The following LRMDA variants were observed in gnomAD, a reference collection of about 807,000 sequenced individuals.
The protein encoded by LRMDA is leucine rich melanocyte differentiation associated.
LRMDA carries 18 observed loss-of-function variants against 29.8 expected under a neutral mutation model. That is an observed-to-expected ratio of 0.60 (90% CI 0.42 to 0.90). LRMDA has a LOEUF of 0.90. Ranked by LOEUF, LRMDA falls within the 40% of genes least tolerant of loss-of-function variation. LRMDA has a pLI of 0.00. For synonymous variants in LRMDA, 125 were observed against 109.4 expected (o/e 1.14, Z -0.89); for missense variants, 273 against 273.9 (o/e 1.00, Z 0.02).
chr10:76,095,073 T>C (rs1849292668), intron 5 of LRMDA, among the ~76,000 whole-genome samples: 1 of 152,192 alleles, frequency 6.6e-6, no homozygotes, highest in Admixed American at 6.5e-5. Context: ...ATAATTATCA[T>C]AACAATCAAG....
At chr10:75,764,961 G>A (rs1231402891) in intron 2 of LRMDA, among the ~76,000 whole-genome samples, 1 of 151,788 alleles carries the variant, frequency 6.6e-6, no homozygotes, top group African/African-American at 2.4e-5. Flanking sequence ...GTGTGTGTGT[G>A]TGTGTGTTCA....
intron 2 of LRMDA, among the ~76,000 whole-genome samples, chr10:75,648,745 C>T (rs1841561054): frequency 1.3e-5 from 2 of 152,112 alleles, no homozygotes; most frequent in Admixed American, 1.3e-4. Context: ...AGAGTATTTG[C>T]TCTGGGGAAG....
chr10:76,365,444 G>T lies in LRMDA; in HGVS notation c.601+40959G>T, dbSNP rs142742840. Among the ~76,000 whole-genome samples, 150 of 152,060 alleles carry T rather than the reference G, an allele frequency of 9.9e-4. 1 individual carries two copies. Among genetic ancestry groups the T allele is most frequent in the African/African-American group, 3.5e-3 (146 of 41,456 alleles). On this transcript the variant is annotated intron_variant, in intron 6 of 6. Transcript: ENST00000611255. Reference sequence around the variant, plus strand: ...TGATTTTTTTATTATGGCCATTCTTGCAAAAGTAAGGTGGTATTGCATTGT... The same window carrying T: ...TGATTTTTTTATTATGGCCATTCTTTCAAAAGTAAGGTGGTATTGCATTGT...
intron 2 of LRMDA, among the ~76,000 whole-genome samples, chr10:75,747,463 A>G (rs1842903196): frequency 6.6e-6 from 1 of 152,228 alleles, no homozygotes; most frequent in Non-Finnish European, 1.5e-5. Flanking sequence ...AATTTATGAA[A>G]TACGATAGGG....
intron 6 of LRMDA, among the ~76,000 whole-genome samples, chr10:76,480,901 G>A (rs1242326751): frequency 1.3e-5 from 2 of 151,882 alleles, no homozygotes; most frequent in East Asian, 3.9e-4. Flanking sequence ...TATGTATTGA[G>A]AAACAGTAAG....
intron 5 of LRMDA, among the ~76,000 whole-genome samples, chr10:76,176,415 G>A (rs757462983): frequency 3.9e-5 from 6 of 152,236 alleles, no homozygotes; most frequent in Non-Finnish European, 8.8e-5. Flanking sequence ...TGTAGAGGCT[G>A]GCGCTGCTTG....
chr10:76,063,494 T>G (rs1348021960), intron 5 of LRMDA, among the ~76,000 whole-genome samples: 1 of 152,166 alleles, frequency 6.6e-6, no homozygotes, highest in Non-Finnish European at 1.5e-5. Context: ...TGTGTATTTG[T>G]GTAGTTTGTT....
chr10:76,312,945 C>T (rs1840647594), intron 5 of LRMDA, among the ~76,000 whole-genome samples: 1 of 151,996 alleles, frequency 6.6e-6, no homozygotes, highest in South Asian at 2.1e-4. Flanking sequence ...AGATATTAAA[C>T]AAAATTAGAG....
intron 6 of LRMDA, among the ~76,000 whole-genome samples, chr10:76,403,844 G>A (rs1841874807): frequency 6.6e-6 from 1 of 152,094 alleles, no homozygotes; most frequent in African/African-American, 2.4e-5. Flanking sequence ...AATCCACTGG[G>A]TTGTGAAGAG....
intron 5 of LRMDA, among the ~76,000 whole-genome samples, chr10:76,116,071 C>T (rs1849663462): frequency 6.6e-6 from 1 of 152,122 alleles, no homozygotes; most frequent in South Asian, 2.1e-4. Flanking sequence ...TGGGATGGGG[C>T]CACTGCAGGC....
intron 6 of LRMDA, among the ~76,000 whole-genome samples, chr10:76,397,433 G>C (rs1183676650): frequency 6.6e-6 from 1 of 152,158 alleles, no homozygotes; most frequent in Admixed American, 6.5e-5. Context: ...CCATATCCCT[G>C]TTTAATTAAT....
At chr10:75,571,602 G>A (rs529862887) in intron 2 of LRMDA, among the ~76,000 whole-genome samples, 3 of 152,208 alleles carry the variant, frequency 2.0e-5, no homozygotes, top group Non-Finnish European at 2.9e-5. Context: ...TCATGGGCAC[G>A]TAACACTGTT....
intron 2 of LRMDA, among the ~76,000 whole-genome samples, chr10:75,702,730 T>TG (rs1564544529): frequency 6.6e-6 from 1 of 152,262 alleles, no homozygotes; most frequent in Non-Finnish European, 1.5e-5. Flanking sequence ...GTAAGAGTTA[T>TG]AGGCAATTAC....
chr10:75,791,124 G>A (rs1475101697), intron 2 of LRMDA, among the ~76,000 whole-genome samples: 5 of 152,172 alleles, frequency 3.3e-5, no homozygotes, highest in Admixed American at 2.6e-4. Context: ...GCCCTTAGAG[G>A]AGAGTTTTTG....
chr10:75,646,479 G>T (rs989794277), intron 2 of LRMDA, among the ~76,000 whole-genome samples: 1 of 152,160 alleles, frequency 6.6e-6, no homozygotes, highest in Non-Finnish European at 1.5e-5. Flanking sequence ...AATTCATGTG[G>T]CCTCCGCGAA....
At chr10:76,509,150 C>T (rs149869083) in intron 6 of LRMDA, among the ~76,000 whole-genome samples, 238 of 152,220 alleles carry the variant, frequency 1.6e-3, no homozygotes, top group Admixed American at 0.012. Context: ...CCACTTTGTT[C>T]GCAGCACTGA....
At chr10:76,305,341 A>G (rs956731518) in intron 5 of LRMDA, among the ~76,000 whole-genome samples, 4 of 152,242 alleles carry the variant, frequency 2.6e-5, no homozygotes, top group Non-Finnish European at 1.5e-5. Context: ...AAAATGTTGG[A>G]AAATGTTTTA....
chr10:75,860,035 A>G (rs1284691861), intron 2 of LRMDA, among the ~76,000 whole-genome samples: 7 of 152,186 alleles, frequency 4.6e-5, no homozygotes, highest in African/African-American at 4.8e-5. Context: ...TTTTTGTTAC[A>G]TATAAAATTT....
rs537447662 is a variant in LRMDA, at chr10:76,278,777, A to G, written c.517-45624A>G. ...CCTGAAATACAGTAGTGTGTGTTTCATATTTGAACTCACAAGCTAATTGAA... is the reference window on the plus strand; with the variant it reads ...CCTGAAATACAGTAGTGTGTGTTTCGTATTTGAACTCACAAGCTAATTGAA... On this transcript the variant is annotated intron_variant, in intron 5 of 6. Transcript: ENST00000611255. Among the ~76,000 whole-genome samples the G allele has an allele frequency of 2.0e-5, 3 of 152,324 alleles. No homozygotes were observed. The East Asian group carries it at 5.8e-4, about 29-fold the overall frequency.
Sources: gnomAD v4.1 joint callset for allele counts (sites outside exome capture counted in the v4.1 genomes callset) on GRCh38, gnomAD v4.1.1 for gene constraint, MANE v1.5 for transcripts, NCBI Gene and HGNC (gene_info 2026-07-23, HGNC 2026-07-21) for gene names.